Variants in DAPK1 observed in about 807,000 individuals in gnomAD.
DAPK1 encodes death-associated protein kinase 1.
DAPK1 carries 56 observed loss-of-function variants against 144.9 expected under a neutral mutation model. That is an observed-to-expected ratio of 0.39 (90% CI 0.31 to 0.48). The LOEUF is 0.48. Among genes scored for constraint, DAPK1 ranks in the 20% least tolerant of loss-of-function variants. The pLI is 0.95. For missense variants in DAPK1, 1,454 were observed against 1,875.4 expected (o/e 0.78, Z 4.15); for synonymous variants, 690 against 749.0 (o/e 0.92, Z 1.29).
At chr9:87,549,125 G>A (rs1353678194) in intron 2 of DAPK1, among the ~76,000 whole-genome samples, 3 of 151,938 alleles carry the variant, frequency 2.0e-5, no homozygotes, top group Non-Finnish European at 4.4e-5. Context: ...AGTGTGTGTT[G>A]TTTCCCTCCC....
chr9:87,676,278 C>A (rs532245104), intron 19 of DAPK1, among the ~76,000 whole-genome samples: 1 of 152,338 alleles, frequency 6.6e-6, no homozygotes, highest in East Asian at 1.9e-4. Flanking sequence ...CTGAACTCCC[C>A]CTCCAAATAA....
Position 87,706,672 on chromosome 9 carries a change from C to T in DAPK1, c.3601C>T (p.Leu1201=), listed in dbSNP as rs752348812. The change falls in exon 26 of 26, where the codon CTG becomes TTG. Residue 1201 remains leucine, a synonymous_variant. Transcript: ENST00000408954. The surrounding 1 kb of genome is among the most constrained non-coding windows in gnomAD (Gnocchi z 9.0). ...GGGCATTGAGGTCCAGGTCCGCGGC[C>T]TGGAGACGGAGAAGATCAAGTGCTG... The part of the protein sequence containing the change: ...GQGIEVQVRG[L]ETEKIKCCLL... The T allele has an allele frequency of 1.9e-6, 3 of 1,612,128 alleles. No individual in the cohort carries two copies. The highest frequency in any genetic ancestry group is 2.5e-6 in the Non-Finnish European group (3 of 1,179,192).
chr9:87,503,577 C>T (rs1445055123), intron 2 of DAPK1, among the ~76,000 whole-genome samples: 1 of 152,128 alleles, frequency 6.6e-6, no homozygotes, highest in Non-Finnish European at 1.5e-5. Flanking sequence ...TTCTAATGCC[C>T]AGGTTGATGC....
chr9:87,697,148 A>G lies in DAPK1; in HGVS notation c.2555A>G (p.Gln852Arg), dbSNP rs1459984677. ...LEEPYEIQLNQVIFWLSFLKS... is the reference protein window; with the variant it reads ...LEEPYEIQLNRVIFWLSFLKS... ...GAGCCCTATGAGATCCAGCTGAACC[A>G]AGTGATTTTCTGGCTCAGTTTCCTG... Residue 852 changes from glutamine (Q) to arginine (R), a missense_variant, in exon 22 of 26, where the codon CAA (glutamine) becomes CGA (arginine). Gln to Arg is a conservative substitution (Grantham distance 43). Transcript: ENST00000408954. 6.3e-7 allele frequency: 1 copy of G among 1,587,292 alleles called. No homozygotes were observed.
chr9:87,675,888 CACACA>C (rs1824355060), intron 19 of DAPK1, among the ~76,000 whole-genome samples: 2 of 151,500 alleles, frequency 1.3e-5, no homozygotes, highest in African/African-American at 4.9e-5. Flanking sequence ...CACACACACA[CACACA>C]CACCCTTATG....
intron 1 of DAPK1, 78 bp from the exon 2 acceptor site, chr9:87,498,892 T>G: frequency 1.9e-6 from 1 of 532,796 alleles, no homozygotes; most frequent in Non-Finnish European, 3.4e-6. Flanking sequence ...GCGAGCGGGG[T>G]CTTAGCGCCG....
intron 3 of DAPK1, among the ~76,000 whole-genome samples, chr9:87,613,070 A>G (rs1587769751): frequency 1.3e-5 from 2 of 152,314 alleles, no homozygotes; most frequent in Admixed American, 6.5e-5. Flanking sequence ...GAGTAACCCC[A>G]TTTAGCTTTC....
chr9:87,604,175 G>C (rs1005416105), intron 2 of DAPK1, among the ~76,000 whole-genome samples: 6 of 152,112 alleles, frequency 3.9e-5, no homozygotes, highest in African/African-American at 1.2e-4. Context: ...GCTTTGAGGG[G>C]GGGGTTCTGT....
intron 21 of DAPK1, among the ~76,000 whole-genome samples, chr9:87,689,534 T>C (rs1824982701): frequency 6.6e-6 from 1 of 152,224 alleles, no homozygotes; most frequent in South Asian, 2.1e-4. Flanking sequence ...CTCTAAGTTG[T>C]CTATTTTTGT....
At chr9:87,564,751 T>C (rs1827056166) in intron 2 of DAPK1, among the ~76,000 whole-genome samples, 1 of 152,214 alleles carries the variant, frequency 6.6e-6, no homozygotes, top group Admixed American at 6.5e-5. Flanking sequence ...AATTCATTCA[T>C]GAGGCAGAGC....
chr9:87,692,188 A>G (rs934731736), intron 21 of DAPK1, among the ~76,000 whole-genome samples: 1 of 151,908 alleles, frequency 6.6e-6, no homozygotes, highest in Non-Finnish European at 1.5e-5. Flanking sequence ...ATATGTTTAG[A>G]ACTGTTATAT....
chr9:87,622,847 G>A (rs1829349403), intron 3 of DAPK1, among the ~76,000 whole-genome samples: 1 of 152,024 alleles, frequency 6.6e-6, no homozygotes, highest in Non-Finnish European at 1.5e-5. Context: ...GGAGGTGGCG[G>A]TTGCAGTGAC....
At chr9:87,593,100 G>A (rs190926584) in intron 2 of DAPK1, among the ~76,000 whole-genome samples, 3 of 152,280 alleles carry the variant, frequency 2.0e-5, no homozygotes, top group Admixed American at 6.5e-5. Flanking sequence ...CCCCAGACAC[G>A]GAAGACCCCA....
Position 87,697,193 on chromosome 9 carries a change from A to G in DAPK1, c.2600A>G (p.Glu867Gly), listed in dbSNP as rs1257923040. 6.6e-7 allele frequency: 1 copy of G among 1,525,066 alleles called. No individual in the cohort carries two copies. The highest frequency in any genetic ancestry group is 1.7e-5 in the Admixed American group (1 of 59,816). The allele number at this position is 1,525,066 out of a possible 1,614,324, so 94.5% of individuals were successfully genotyped here. Residue 867 changes from glutamate to glycine, a missense_variant, in exon 22 of 26, where the codon GAA (glutamate) becomes GGA (glycine). Glu to Gly is a moderately conservative substitution (Grantham distance 98). Around this residue, in one of 2 missense-constraint regions of DAPK1, gnomAD observed 1,025 missense variants for 1,237.9 expected, o/e 0.83. Coordinates refer to ENST00000408954, the MANE Select transcript of DAPK1 (RefSeq NM_004938.4). ...LSFLKSLVPV[E>G]EPIAFGGKLK... The stretch of plus-strand genomic sequence containing the variant: ...TTCCTGAAGTCCCTTGTCCCAGTTG[A>G]AGAACCCATAGGTGAGCTAAGTCCC...
At chr9:87,595,419 C>T (rs142946831) in intron 2 of DAPK1, among the ~76,000 whole-genome samples, 74 of 152,292 alleles carry the variant, frequency 4.9e-4, no homozygotes, top group African/African-American at 1.8e-3. Flanking sequence ...CTTGGACCTT[C>T]CTCCTGCAAA....
chr9:87,557,602 T>G (rs1052411463), intron 2 of DAPK1, among the ~76,000 whole-genome samples: 1 of 152,156 alleles, frequency 6.6e-6, no homozygotes, highest in Non-Finnish European at 1.5e-5. Flanking sequence ...CATTACTCAT[T>G]GAGAAGTGAT....
At chr9:87,505,377 G>T (rs776902383) in intron 2 of DAPK1, among the ~76,000 whole-genome samples, 54 of 152,170 alleles carry the variant, frequency 3.5e-4, no homozygotes, top group Non-Finnish European at 6.2e-4. Flanking sequence ...TTGTTTGTTT[G>T]TGTCTTTTTG....
At position 87,650,262 on chromosome 9, in the gene DAPK1, A is replaced by T. The variant is rs185050453; in HGVS notation, c.1626+144A>T. The T allele has an allele frequency of 9.4e-6, 7 of 747,486 alleles. No homozygotes were observed. In the East Asian group the frequency reaches 1.9e-4, roughly 20 times the overall value. The allele number at this position is 747,486 out of a possible 1,614,324, so 46.3% of individuals were successfully genotyped here. ...ACCCCGTCTCTTCTCTGTTCCAAAG[A>T]TTCTGTGAACTTTTCTATATTGTAT... On this transcript the variant is annotated intron_variant, in intron 16 of 25. Transcript: ENST00000408954.
In DAPK1 at chr9:87,680,251, C is replaced by G. The variant is rs1226191550; in HGVS notation, c.2002-1153C>G. On this transcript the variant is annotated intron_variant, in intron 19 of 25. Coordinates refer to ENST00000408954, the MANE Select transcript of DAPK1 (RefSeq NM_004938.4). ...TCCCGAGTAGCTGGGACTACAGGCTCCCGCCACCACGCCCGGCTAATTTTT... is the reference window on the plus strand; with the variant it reads ...TCCCGAGTAGCTGGGACTACAGGCTGCCGCCACCACGCCCGGCTAATTTTT... 3.3e-5 allele frequency among the ~76,000 whole-genome samples: 5 copies of G among 152,068 alleles called. No homozygotes were observed. In the East Asian group the frequency reaches 9.7e-4, roughly 29 times the overall value.
Sources: allele counts gnomAD v4.1 joint callset (sites outside exome capture counted in the v4.1 genomes callset), GRCh38; gene constraint gnomAD v4.1.1; regional missense constraint gnomAD v4.1.1; non-coding constraint Gnocchi (gnomAD v3.1); transcripts MANE v1.5; gene names NCBI Gene and HGNC (gene_info 2026-07-23, HGNC 2026-07-21).